Variants in JCAD observed in about 807,000 individuals in gnomAD.
JCAD encodes the protein junctional cadherin 5 associated, also known as junctional cadherin 5-associated protein.
JCAD carries 40 observed loss-of-function variants against 98.0 expected under a neutral mutation model. The observed-to-expected ratio is 0.41, with a 90% CI of 0.32 to 0.53. The LOEUF is 0.53. Ranked by LOEUF, JCAD falls within the 20% of genes least tolerant of loss-of-function variation. The pLI is 0.31. For missense variants in JCAD, 1,705 were observed against 1,738.1 expected (o/e 0.98, Z 0.34); for synonymous variants, 691 against 682.3 (o/e 1.01, Z -0.20).
At chr10:30,080,803 G>T (rs1046575980) in intron 1 of JCAD, among the ~76,000 whole-genome samples, 2 of 152,086 alleles carry the variant, frequency 1.3e-5, no homozygotes, top group South Asian at 2.1e-4. Flanking sequence ...TGAAGTCCGG[G>T]AGCTATCCCC....
Position 30,017,842 on chromosome 10 carries a change from T to C in JCAD, c.*41A>G. ...ACTAAATCTACCAGCTACTTGAGAA[T>C]ACTCAATTCGCAACGGAATGCAAGC... On this transcript the variant is annotated 3_prime_UTR_variant, in exon 4 of 4. Coordinates refer to ENST00000375377, the MANE Select transcript of JCAD (RefSeq NM_020848.4). 6.3e-7 allele frequency: 1 copy of C among 1,584,546 alleles called. No homozygotes were observed. Among genetic ancestry groups the C allele is most frequent in the Non-Finnish European group, 8.7e-7 (1 of 1,152,846 alleles).
chr10:30,038,406 C>T (rs897550323), intron 2 of JCAD, among the ~76,000 whole-genome samples: 28 of 152,028 alleles, frequency 1.8e-4, no homozygotes, highest in African/African-American at 5.8e-4. Context: ...AAGAGAGAGC[C>T]GGCACGGAGG....
chr10:30,093,464 C>T (rs757410776), intron 1 of JCAD, among the ~76,000 whole-genome samples: 2 of 152,308 alleles, frequency 1.3e-5, no homozygotes, highest in South Asian at 2.1e-4. Context: ...TGGAGAGGTA[C>T]GAGACAGACA....
chr10:30,093,327 A>G (rs1045662252), intron 1 of JCAD, among the ~76,000 whole-genome samples: 3 of 152,214 alleles, frequency 2.0e-5, no homozygotes, highest in African/African-American at 7.2e-5. Flanking sequence ...TCCCAATGGC[A>G]TACTCATTCT....
At chr10:30,074,902 C>A (rs771543886) in intron 1 of JCAD, among the ~76,000 whole-genome samples, 5 of 152,178 alleles carry the variant, frequency 3.3e-5, no homozygotes, top group Non-Finnish European at 5.9e-5. Flanking sequence ...AAGCGATCCT[C>A]TTGCCTCAGC....
intron 2 of JCAD, among the ~76,000 whole-genome samples, chr10:30,065,706 G>A (rs943895598): frequency 2.0e-5 from 3 of 152,028 alleles, no homozygotes; most frequent in African/African-American, 7.2e-5. Flanking sequence ...TCCCTGTGTT[G>A]CCCAGTCTGG....
At chr10:30,058,938 G>GC (rs1270715647) in intron 1 of JCAD, among the ~76,000 whole-genome samples, 2 of 152,086 alleles carry the variant, frequency 1.3e-5, no homozygotes, top group Non-Finnish European at 2.9e-5. Context: ...CGCGGCGGGA[G>GC]CCCCCCACCG....
At chr10:30,056,542 T>G (rs945270229) in intron 1 of JCAD, among the ~76,000 whole-genome samples, 1 of 152,084 alleles carries the variant, frequency 6.6e-6, no homozygotes, top group African/African-American at 2.4e-5. Context: ...TTTCCTTCTT[T>G]GGAATGTATC....
At chr10:30,099,688 A>G (rs1838437167) in intron 1 of JCAD, among the ~76,000 whole-genome samples, 1 of 152,192 alleles carries the variant, frequency 6.6e-6, no homozygotes, top group Admixed American at 6.5e-5. Flanking sequence ...TACAATGAAA[A>G]AATCTGAATT....
chr10:30,053,045 TA>T (rs1369283177), intron 1 of JCAD, among the ~76,000 whole-genome samples: 3 of 152,026 alleles, frequency 2.0e-5, no homozygotes, highest in Non-Finnish European at 4.4e-5. Flanking sequence ...AATATACTAT[TA>T]AAAAGATGAA....
intron 1 of JCAD, among the ~76,000 whole-genome samples, chr10:30,092,064 A>C (rs2995275): frequency 1.6e-4 from 3 of 19,030 alleles, no homozygotes; most frequent in African/African-American, 4.5e-4. Flanking sequence ...AAAAAAAAAA[A>C]ATATATATAT....
intron 3 of JCAD, among the ~76,000 whole-genome samples, chr10:30,025,370 A>C (rs1836766567): frequency 6.6e-6 from 1 of 151,534 alleles, no homozygotes; most frequent in Non-Finnish European, 1.5e-5. Context: ...ATACAAAAAT[A>C]AACTGGGCCT....
intron 2 of JCAD, among the ~76,000 whole-genome samples, chr10:30,031,739 GC>G (rs914023448): frequency 7.1e-6 from 1 of 140,876 alleles, no homozygotes; most frequent in Admixed American, 7.2e-5. Context: ...ACTGCGCCCA[GC>G]CCCATCTGTA....
rs1225882702 is a variant in JCAD at position 30,017,688 on chromosome 10, G to T, written c.*195C>A. The stretch of plus-strand genomic sequence containing the variant: ...ATAAAAACAGATGGTTTCAACGGAC[G>T]ATTGCTTTATCGCCACAAAGCAATT... On this transcript the variant is annotated 3_prime_UTR_variant, in exon 4 of 4. Transcript: ENST00000375377. 3 of 639,114 alleles carry T rather than the reference G, an allele frequency of 4.7e-6. No homozygotes were observed. The highest frequency in any genetic ancestry group is 8.3e-6 in the Non-Finnish European group (3 of 359,822). 39.6% of individuals were successfully genotyped at this position (639,114 alleles called of 1,614,324 possible).
At chr10:30,049,423 A>G (rs144940518) in intron 1 of JCAD, among the ~76,000 whole-genome samples, 29 of 152,286 alleles carry the variant, frequency 1.9e-4, no homozygotes, top group Non-Finnish European at 3.4e-4. Context: ...CTGTCGCACA[A>G]TTCTGCTTGC....
At chr10:30,060,047 C>T (rs1218161277), upstream of JCAD, among the ~76,000 whole-genome samples, 8 of 152,002 alleles carry the variant, frequency 5.3e-5, no homozygotes, top group Non-Finnish European at 1.0e-4. Context: ...TATACAGTCA[C>T]GCACAGATGC....
intron 2 of JCAD, among the ~76,000 whole-genome samples, chr10:30,066,337 A>G (rs1225387005): frequency 1.3e-5 from 2 of 152,184 alleles, no homozygotes; most frequent in Non-Finnish European, 2.9e-5. Context: ...ATCATTTCTA[A>G]TTGTTTGCTC....
chr10:30,035,132 G>A (rs561053982), intron 2 of JCAD, among the ~76,000 whole-genome samples: 13 of 152,274 alleles, frequency 8.5e-5, no homozygotes, highest in African/African-American at 2.4e-4. Flanking sequence ...TACACGCCAC[G>A]AGCATAATCA....
intron 2 of JCAD, among the ~76,000 whole-genome samples, chr10:30,046,995 G>A (rs1462738824): frequency 6.6e-6 from 1 of 152,074 alleles, no homozygotes; most frequent in Non-Finnish European, 1.5e-5. Context: ...GCTGAGGTGG[G>A]AGAATCACTT....
Sources: gnomAD v4.1 joint callset for allele counts (sites outside exome capture counted in the v4.1 genomes callset) on GRCh38, gnomAD v4.1.1 for gene constraint, MANE v1.5 for transcripts, NCBI Gene and HGNC (gene_info 2026-07-23, HGNC 2026-07-21) for gene names.